CRISPLD2: variants seen among roughly 807,000 people sequenced by gnomAD.
The protein encoded by CRISPLD2 is cysteine rich secretory protein LCCL domain containing 2, also known as cysteine-rich secretory protein LCCL domain-containing 2.
A neutral mutation model predicts 71.1 loss-of-function variants in CRISPLD2; 47 were observed. That is an observed-to-expected ratio of 0.66 (90% CI 0.52 to 0.84). CRISPLD2 has a LOEUF of 0.84. Among genes scored for constraint, CRISPLD2 ranks in the 40% least tolerant of loss-of-function variants. CRISPLD2 has a pLI of 0.00. For missense variants in CRISPLD2, 830 were observed against 651.1 expected (o/e 1.27, Z -2.99); for synonymous variants, 317 against 250.1 (o/e 1.27, Z -2.52).
In CRISPLD2 at chr16:84,849,495, C is replaced by T. The variant is rs2143211853; in HGVS notation, c.470C>T (p.Pro157Leu). Residue 157 changes from proline to leucine, a missense_variant, in exon 4 of 15, where the codon CCC (proline) becomes CTC (leucine). Pro to Leu is a moderately conservative substitution (Grantham distance 98, BLOSUM62 -3). Transcript: ENST00000262424. Reference sequence around the variant, plus strand: ...TGGTGTCCAGAGAGGTGCTCGGGGCCCATGTGCACGCACTACACACAGGTA... The same window carrying T: ...TGGTGTCCAGAGAGGTGCTCGGGGCTCATGTGCACGCACTACACACAGGTA... ...NPWCPERCSG[P>L]MCTHYTQIVW... 2 of 1,614,166 alleles carry T rather than the reference C, an allele frequency of 1.2e-6. No individual in the cohort carries two copies. The highest frequency in any genetic ancestry group is 2.2e-5 in the East Asian group (1 of 44,890).
intron 6 of CRISPLD2, among the ~76,000 whole-genome samples, chr16:84,864,905 C>G (rs1278465947): frequency 6.6e-6 from 1 of 152,184 alleles, no homozygotes; most frequent in South Asian, 2.1e-4. Context: ...CTGACTTAAA[C>G]CCGTCCCTTC....
intron 13 of CRISPLD2, 107 bp downstream of exon 13, chr16:84,880,691 C>CT: frequency 3.1e-6 from 2 of 648,794 alleles, no homozygotes; most frequent in Admixed American, 2.7e-5. Flanking sequence ...TGCCTCTTAG[C>CT]TAAATTAATT....
intron 2 of CRISPLD2, 72 bp downstream of exon 2, chr16:84,838,807 C>T (rs1419259954): frequency 6.5e-7 from 1 of 1,542,076 alleles, no homozygotes; most frequent in South Asian, 1.2e-5. Flanking sequence ...CTCTGTTCCC[C>T]AGCCAGCTCT....
chr16:84,898,011 C>A (rs1385064245), intron 14 of CRISPLD2, among the ~76,000 whole-genome samples: 1 of 152,222 alleles, frequency 6.6e-6, no homozygotes, highest in Admixed American at 6.5e-5. Flanking sequence ...CTAGCCACAC[C>A]GTGGTTTCAG....
intron 11 of CRISPLD2, among the ~76,000 whole-genome samples, chr16:84,874,930 C>A (rs2071504726): frequency 6.6e-6 from 1 of 152,098 alleles, no homozygotes; most frequent in South Asian, 2.1e-4. Flanking sequence ...ATTTGGTAAC[C>A]TAATTTTTTT....
chr16:84,906,363 C>T (rs1053676143), intron 14 of CRISPLD2, among the ~76,000 whole-genome samples: 2 of 152,168 alleles, frequency 1.3e-5, no homozygotes, highest in Non-Finnish European at 2.9e-5. Flanking sequence ...ACAGCCTTGA[C>T]CTAGAATCAG....
Position 84,868,770 on chromosome 16 carries a change from G to C in CRISPLD2, c.854-81G>C, listed in dbSNP as rs542561008. The C allele has an allele frequency of 1.7e-5, 19 of 1,126,242 alleles. No homozygotes were observed. The African/African-American group carries it at 2.6e-4, about 15-fold the overall frequency. The allele number at this position is 1,126,242 out of a possible 1,614,324, so 69.8% of individuals were successfully genotyped here. Reference sequence around the variant, plus strand: ...ACGGATTGGATTGCAGAATGTTCCAGAATGTCCCTCAGCATGGGGAAGGGT... The same window carrying C: ...ACGGATTGGATTGCAGAATGTTCCACAATGTCCCTCAGCATGGGGAAGGGT... On this transcript the variant is annotated intron_variant, in intron 7 of 14. Transcript: ENST00000262424.
intron 14 of CRISPLD2, among the ~76,000 whole-genome samples, chr16:84,891,576 C>T (rs1294753561): frequency 6.6e-6 from 1 of 152,198 alleles, no homozygotes; most frequent in Non-Finnish European, 1.5e-5. Context: ...CCTGGCCGGG[C>T]TGGAAAGAAA....
At chr16:84,873,867 A>G (rs937128597) in intron 10 of CRISPLD2, 53 bp from the exon 11 acceptor site, 2 of 1,503,386 alleles carry the variant, frequency 1.3e-6, no homozygotes, top group African/African-American at 1.4e-5. Flanking sequence ...TTTAGAAGCA[A>G]TTCTATTTGC....
rs550196740 is a variant in CRISPLD2 at position 84,827,483 on chromosome 16, G to A, written c.-75+7350G>A. ...CTTCATGGGCTTTTCGCCTGTCCTC[G>A]GTCACGGTCACGCCTCGACTGTGAC... On this transcript the variant is annotated intron_variant, in intron 1 of 14. Transcript: ENST00000262424. 2.6e-5 allele frequency among the ~76,000 whole-genome samples: 4 copies of A among 151,790 alleles called. No individual in the cohort carries two copies. The East Asian group carries it at 5.8e-4, about 22-fold the overall frequency.
intron 13 of CRISPLD2, among the ~76,000 whole-genome samples, chr16:84,885,320 C>G (rs1009547703): frequency 6.6e-6 from 1 of 152,262 alleles, no homozygotes; most frequent in East Asian, 1.9e-4. Flanking sequence ...AAAGTCTCCT[C>G]GCTTCTCTTT....
intron 1 of CRISPLD2, among the ~76,000 whole-genome samples, chr16:84,834,224 C>A (rs367961870): frequency 8.5e-5 from 13 of 152,174 alleles, no homozygotes; most frequent in Admixed American, 8.5e-4. Flanking sequence ...CCACGACGGG[C>A]GCAGGGCAGG....
intron 6 of CRISPLD2, among the ~76,000 whole-genome samples, chr16:84,862,227 T>C (rs889546837): frequency 1.3e-5 from 2 of 152,148 alleles, no homozygotes; most frequent in Non-Finnish European, 2.9e-5. Context: ...TTTTGAGTCA[T>C]GGCCTCCCTT....
intron 5 of CRISPLD2, among the ~76,000 whole-genome samples, chr16:84,853,724 C>T (rs887820999): frequency 5.9e-5 from 9 of 152,234 alleles, no homozygotes; most frequent in African/African-American, 2.2e-4. Context: ...CTGTGGATTT[C>T]CCCAACGCTC....
rs1474152244 is a variant in CRISPLD2 at position 84,906,939 on chromosome 16, G to A, written c.*297G>A. The A allele has an allele frequency of 2.2e-6, 1 of 452,546 alleles. No individual in the cohort carries two copies. The highest frequency in any genetic ancestry group is 4.0e-6 in the Non-Finnish European group (1 of 249,804). The allele number at this position is 452,546 out of a possible 1,614,324, so 28.0% of individuals were successfully genotyped here. On this transcript the variant is annotated 3_prime_UTR_variant, in exon 15 of 15. Coordinates refer to ENST00000262424, the MANE Select transcript of CRISPLD2 (RefSeq NM_031476.4). ...GAGCTGTCTCTTAAAGGGGACAGTT[G>A]CCCAAAATGTTCCTTGCTATGTGTT...
At chr16:84,906,017 T>C (rs181165063) in intron 14 of CRISPLD2, among the ~76,000 whole-genome samples, 4 of 152,250 alleles carry the variant, frequency 2.6e-5, no homozygotes, top group Admixed American at 2.6e-4. Context: ...CTAAAGCTCT[T>C]TTTTAAAAAC....
intron 13 of CRISPLD2, among the ~76,000 whole-genome samples, chr16:84,886,119 T>C (rs1279181732): frequency 1.3e-5 from 2 of 152,126 alleles, no homozygotes; most frequent in East Asian, 3.9e-4. Flanking sequence ...CAAACTCCTG[T>C]CCTCAGGTGA....
At chr16:84,851,210 G>A (rs1038788395) in intron 5 of CRISPLD2, among the ~76,000 whole-genome samples, 1 of 152,224 alleles carries the variant, frequency 6.6e-6, no homozygotes, top group Non-Finnish European at 1.5e-5. Flanking sequence ...GAAAACACAT[G>A]TTCACACAAA....
chr16:84,840,170 T>C (rs1916733074), intron 2 of CRISPLD2: 1 of 152,282 alleles, frequency 6.6e-6, no homozygotes, highest in East Asian at 1.9e-4. Context: ...TCTTTAAAGC[T>C]GTGGTCACGT....
Sources: allele counts gnomAD v4.1 joint callset (sites outside exome capture counted in the v4.1 genomes callset), GRCh38; gene constraint gnomAD v4.1.1; transcripts MANE v1.5; gene names NCBI Gene and HGNC (gene_info 2026-07-23, HGNC 2026-07-21).